REEP2: variants seen among roughly 807,000 people sequenced by gnomAD.
REEP2 encodes receptor accessory protein 2, also known as receptor expression-enhancing protein 2.
A neutral mutation model predicts 32.1 loss-of-function variants in REEP2; 9 were observed. That is an observed-to-expected ratio of 0.28 (90% CI 0.17 to 0.49). The LOEUF is 0.49. Ranked by LOEUF, REEP2 falls within the 20% of genes least tolerant of loss-of-function variation. The probability of loss-of-function intolerance (pLI) is 0.99; values close to 1 mark genes in which losing one functional copy is unlikely to be tolerated. For missense variants in REEP2, 236 were observed against 338.0 expected, an observed-to-expected ratio of 0.70 and a Z score of 2.37; for synonymous variants, 128 against 139.1, an observed-to-expected ratio of 0.92 and a Z score of 0.56.
Position 138,445,603 on chromosome 5 carries a change from G to A in REEP2, c.696+5G>A, listed in dbSNP as rs1257512362. 1.2e-6 allele frequency: 2 copies of A among 1,614,212 alleles called. No homozygotes were observed. Among genetic ancestry groups the A allele is most frequent in the South Asian group, 1.1e-5 (1 of 91,078 alleles). On this transcript the variant is annotated splice_donor_5th_base_variant and intron_variant, in intron 7 of 7. Coordinates refer to ENST00000378339, the MANE Select transcript of REEP2 (RefSeq NM_001271803.2). ...AAAAAAGCGCCCAAAGCTGAGGTGA[G>A]GGCACTGGCCAGAGCTTGGGGAAAC... is the stretch of plus-strand genomic sequence containing the variant.
chr5:138,441,047 T>G lies in REEP2; in HGVS notation c.64T>G (p.Ser22Ala). 1.2e-6 allele frequency: 2 copies of G among 1,613,736 alleles called. No individual in the cohort carries two copies. Among genetic ancestry groups the G allele is most frequent in the South Asian group, 2.2e-5 (2 of 91,088 alleles). Residue 22 changes from serine to alanine, a missense_variant, in exon 2 of 8, where the codon TCT (serine) becomes GCT (alanine). By Grantham distance (99) the Ser-to-Ala change is moderately conservative (BLOSUM62 1). Coordinates refer to ENST00000378339, the MANE Select transcript of REEP2 (RefSeq NM_001271803.2). This position sits in a 1 kb window ranked among gnomAD's most constrained non-coding sequence, Gnocchi z 4.4. ...LIFGTLYPAYSSYKAVKTKNV... is the reference protein window; with the variant it reads ...LIFGTLYPAYASYKAVKTKNV... ...CTTTGGCACCCTGTACCCAGCCTAT[T>G]CTTCCTACAAGGCCGTGAAGACAAA...
chr5:138,444,823 G>A lies in REEP2; in HGVS notation c.373G>A (p.Gly125Ser). 6.2e-7 allele frequency: 1 copy of A among 1,613,936 alleles called. No individual in the cohort carries two copies. Among genetic ancestry groups the A allele is most frequent in the Non-Finnish European group, 8.5e-7 (1 of 1,179,896 alleles). The change falls in exon 5 of 8, where the codon GGC becomes AGC. Residue 125 changes from glycine to serine, a missense_variant. Coordinates refer to ENST00000378339, the MANE Select transcript of REEP2 (RefSeq NM_001271803.2). Reference sequence around the variant, plus strand: ...GACCATGATGAGGGTGGGCAAGAGGGGCCTGAACCTTGCCGCCAATGCTGC... The same window carrying A: ...GACCATGATGAGGGTGGGCAAGAGGAGCCTGAACCTTGCCGCCAATGCTGC... The part of the protein sequence containing the change: ...YETMMRVGKR[G>S]LNLAANAAVT...
rs894888004 is a variant in REEP2, at chr5:138,446,742, G to T, written c.*991G>T. The stretch of plus-strand genomic sequence containing the variant: ...TGGGGTCCATCCCCTCTTGCCCAGG[G>T]TCCCCATCCTGTACCAAGCAGACTG... On this transcript the variant is annotated 3_prime_UTR_variant, in exon 8 of 8. Coordinates refer to ENST00000378339, the MANE Select transcript of REEP2 (RefSeq NM_001271803.2). The T allele has an allele frequency of 1.3e-5, 2 of 152,612 alleles. No homozygotes were observed. The highest frequency in any genetic ancestry group is 6.5e-5 in the Admixed American group (1 of 15,270). The allele number at this position is 152,612 out of a possible 1,614,324, so 9.5% of individuals were successfully genotyped here.
chr5:138,442,455 G>A (rs1172677043), intron 3 of REEP2, among the ~76,000 whole-genome samples: 3 of 152,330 alleles, frequency 2.0e-5, no homozygotes, highest in Non-Finnish European at 2.9e-5. Context: ...GCTCACGCCT[G>A]TAATCCCAGC....
At chr5:138,445,030 G>A (rs886240407) in intron 5 of REEP2, 163 bp downstream of exon 5, 2 of 777,910 alleles carry the variant, frequency 2.6e-6, no homozygotes, top group African/African-American at 3.5e-5. Context: ...GAGTCACTTT[G>A]ATTGTCCGGC....
At chr5:138,439,919 A>G (rs981490191) in intron 1 of REEP2, 3 of 382,786 alleles carry the variant, frequency 7.8e-6, no homozygotes, top group African/African-American at 2.1e-5. Flanking sequence ...GCTGCCAGCC[A>G]CACTGTGGAG....
rs745735439 is a variant in REEP2 at position 138,444,421 on chromosome 5, C to T, written c.189C>T (p.Pro63=). The change falls in exon 4 of 8, where the codon CCC becomes CCT. Residue 63 remains proline (P), a synonymous_variant. Transcript: ENST00000378339. ...TLTDIVLSWF[P]FYFELKIAFV... is the part of the protein sequence containing the mutation. ...CTTGCCCCTGTCCCAACAGGTTCCC[C>T]TTCTACTTTGAACTGAAGATCGCCT... is the stretch of plus-strand genomic sequence containing the variant. 9 of 1,613,948 alleles carry T rather than the reference C, an allele frequency of 5.6e-6. No individual in the cohort carries two copies. In the Admixed American group the frequency reaches 1.3e-4, roughly 24 times the overall value.
At position 138,441,565 on chromosome 5, in the gene REEP2, A is replaced by G. The variant is rs1425869941; in HGVS notation, c.182+104A>G. The G allele has an allele frequency of 1.3e-5, 12 of 946,328 alleles. No individual in the cohort carries two copies. In the Admixed American group the frequency reaches 1.8e-4, roughly 14 times the overall value. 58.6% of individuals were successfully genotyped at this position (946,328 alleles called of 1,614,324 possible). A position where few individuals can be genotyped will look rare whatever the true frequency, so the allele number is the denominator to read the frequency against. On this transcript the variant is annotated intron_variant, in intron 3 of 7. Coordinates refer to ENST00000378339, the MANE Select transcript of REEP2 (RefSeq NM_001271803.2). The surrounding 1 kb of genome is among the most constrained non-coding windows in gnomAD (Gnocchi z 4.4). ...TGGGCCTGGGGGTGAAGCTCCTCCC[A>G]TTCCTGACAATTTCATGGGGTCCTT...
At chr5:138,444,003 G>A (rs1236461731) in intron 3 of REEP2, 1 of 160,370 alleles carries the variant, frequency 6.2e-6, no homozygotes, top group Non-Finnish European at 1.4e-5. Context: ...TCCAGAGCAA[G>A]CTAGAGAAGT....
At chr5:138,440,897 C>T in intron 1 of REEP2, 119 bp from the exon 2 acceptor site, 2 of 1,552,262 alleles carry the variant, frequency 1.3e-6, no homozygotes, top group Non-Finnish European at 1.7e-6. Context: ...CTGAGTTCAT[C>T]AGTCCAGCGG....
In REEP2 at chr5:138,446,730, C is replaced by T. The variant is rs1002542709; in HGVS notation, c.*979C>T. 1.3e-5 allele frequency: 2 copies of T among 152,690 alleles called. No individual in the cohort carries two copies. Among genetic ancestry groups the T allele is most frequent in the Non-Finnish European group, 2.9e-5 (2 of 68,464 alleles). The allele number at this position is 152,690 out of a possible 1,614,324, so 9.5% of individuals were successfully genotyped here. Reference sequence around the variant, plus strand: ...CTCCTCTGCCCCTGGGGTCCATCCCCTCTTGCCCAGGGTCCCCATCCTGTA... The same window carrying T: ...CTCCTCTGCCCCTGGGGTCCATCCCTTCTTGCCCAGGGTCCCCATCCTGTA... On this transcript the variant is annotated 3_prime_UTR_variant, in exon 8 of 8. Transcript: ENST00000378339.
intron 1 of REEP2, 73 bp from the exon 2 acceptor site, chr5:138,440,943 G>C: frequency 1.9e-6 from 3 of 1,602,204 alleles, no homozygotes; most frequent in Non-Finnish European, 2.5e-6. Flanking sequence ...TTACCCAGGG[G>C]CTGATGCGGA....
In REEP2 at chr5:138,441,059, G is replaced by C. The variant is rs1446266167; in HGVS notation, c.76G>C (p.Ala26Pro). 1.2e-6 allele frequency: 2 copies of C among 1,613,736 alleles called. No individual in the cohort carries two copies. The highest frequency in any genetic ancestry group is 1.7e-6 in the Non-Finnish European group (2 of 1,179,996). Reference sequence around the variant, plus strand: ...GTACCCAGCCTATTCTTCCTACAAGGCCGTGAAGACAAAAAACGTGAAGGA... The same window carrying C: ...GTACCCAGCCTATTCTTCCTACAAGCCCGTGAAGACAAAAAACGTGAAGGA... ...TLYPAYSSYK[A>P]VKTKNVKEYV... The change falls in exon 2 of 8, where the codon GCC (alanine) becomes CCC (proline). Residue 26 changes from alanine to proline, a missense_variant. Physicochemically the swap from Ala to Pro is conservative, Grantham distance 27. Coordinates refer to ENST00000378339, the MANE Select transcript of REEP2 (RefSeq NM_001271803.2). This position sits in a 1 kb window ranked among gnomAD's most constrained non-coding sequence, Gnocchi z 4.4.
chr5:138,445,841 T>C lies in REEP2; in HGVS notation c.*90T>C. On this transcript the variant is annotated 3_prime_UTR_variant, in exon 8 of 8. Coordinates refer to ENST00000378339, the MANE Select transcript of REEP2 (RefSeq NM_001271803.2). ...CCTGCTCCACACTGTGCCAGTAGCC[T>C]AGGTGTCTCAGGCCCCTGGGCCCCG... 7.6e-7 allele frequency: 1 copy of C among 1,309,012 alleles called. No homozygotes were observed. Among genetic ancestry groups the C allele is most frequent in the Non-Finnish European group, 1.1e-6 (1 of 949,388 alleles). 81.1% of individuals were successfully genotyped at this position (1,309,012 alleles called of 1,614,324 possible). A position where few individuals can be genotyped will look rare whatever the true frequency, so the allele number is the denominator to read the frequency against.
chr5:138,445,846 G>T lies in REEP2; in HGVS notation c.*95G>T. 1.6e-6 allele frequency: 2 copies of T among 1,252,296 alleles called. No individual in the cohort carries two copies. The highest frequency in any genetic ancestry group is 2.0e-4 in the Middle Eastern group (1 of 5,046). The allele number at this position is 1,252,296 out of a possible 1,614,324, so 77.6% of individuals were successfully genotyped here. ...TCCACACTGTGCCAGTAGCCTAGGT[G>T]TCTCAGGCCCCTGGGCCCCGCAGAT... On this transcript the variant is annotated 3_prime_UTR_variant, in exon 8 of 8. Transcript: ENST00000378339.
At chr5:138,440,339 G>A (rs1433205534) in intron 1 of REEP2, among the ~76,000 whole-genome samples, 7 of 152,264 alleles carry the variant, frequency 4.6e-5, no homozygotes, top group Non-Finnish European at 1.0e-4. Flanking sequence ...CCTTCAGGGT[G>A]GCTGCTTCTC....
chr5:138,442,341 A>G (rs1222165935), intron 3 of REEP2, among the ~76,000 whole-genome samples: 1 of 152,242 alleles, frequency 6.6e-6, no homozygotes, highest in Non-Finnish European at 1.5e-5. Context: ...ACAAGAGATC[A>G]TTACATTTAT....
intron 5 of REEP2, 137 bp downstream of exon 5, chr5:138,445,004 C>G: frequency 2.6e-6 from 2 of 762,050 alleles, no homozygotes; most frequent in East Asian, 2.7e-5. Flanking sequence ...AGTCCAGGCT[C>G]TACTGCTATC....
At position 138,445,810 on chromosome 5, in the gene REEP2, C is replaced by A; in HGVS notation, c.*59C>A. ...TGAAGCCTCAGGAGGGGCCTCAGAC[C>A]CAGCCCCTGCTCCACACTGTGCCAG... On this transcript the variant is annotated 3_prime_UTR_variant, in exon 8 of 8. Coordinates refer to ENST00000378339, the MANE Select transcript of REEP2 (RefSeq NM_001271803.2). 1 of 1,514,598 alleles carries A rather than the reference C, an allele frequency of 6.6e-7. No homozygotes were observed. The highest frequency in any genetic ancestry group is 1.2e-5 in the South Asian group (1 of 83,174). 93.8% of individuals were successfully genotyped at this position (1,514,598 alleles called of 1,614,324 possible). A position where few individuals can be genotyped will look rare whatever the true frequency, so the allele number is the denominator to read the frequency against.
Sources: gnomAD v4.1 joint callset for allele counts (sites outside exome capture counted in the v4.1 genomes callset) on GRCh38, gnomAD v4.1.1 for gene constraint, Gnocchi (gnomAD v3.1) non-coding constraint, MANE v1.5 for transcripts, NCBI Gene and HGNC (gene_info 2026-07-23, HGNC 2026-07-21) for gene names.